Variants in VIPR2 observed in about 807,000 individuals in gnomAD.
The protein encoded by VIPR2 is vasoactive intestinal peptide receptor 2.
VIPR2 carries 48 observed loss-of-function variants against 58.0 expected under a neutral mutation model. The ratio of observed to expected loss-of-function variants is 0.83; its 90% confidence interval spans 0.66 to 1.05. VIPR2 has a LOEUF of 1.05. VIPR2 is among the 50% of genes least tolerant of loss of function. The pLI is 0.00. For synonymous variants in VIPR2, 243 were observed against 235.2 expected (o/e 1.03, Z -0.30); for missense variants, 534 against 558.0 (o/e 0.96, Z 0.43).
At chr7:159,040,203 T>C (rs1375027943) in intron 6 of VIPR2, among the ~76,000 whole-genome samples, 1 of 152,120 alleles carries the variant, frequency 6.6e-6, no homozygotes. Flanking sequence ...TTACACAGGC[T>C]CCAGAGCACC....
At chr7:159,109,601 C>A (rs747275570) in intron 3 of VIPR2, among the ~76,000 whole-genome samples, 10 of 152,200 alleles carry the variant, frequency 6.6e-5, no homozygotes, top group Non-Finnish European at 1.3e-4. Context: ...CCTGTAGTTG[C>A]CCTGCTCTCT....
In VIPR2 at chr7:159,099,108, G is replaced by A. The variant is rs370170945; in HGVS notation, c.357+4649C>T. On this transcript the variant is annotated intron_variant, in intron 4 of 12. Transcript: ENST00000262178. The surrounding 1 kb of genome is among the most constrained non-coding windows in gnomAD (Gnocchi z 4.2). ...CAACCAAGTATTCAAAGTATTCAAC[G>A]AGCAGAAACTGCAACAGGAAGAAAA... 6.6e-6 allele frequency among the ~76,000 whole-genome samples: 1 copy of A among 152,246 alleles called. No homozygotes were observed. The highest frequency in any genetic ancestry group is 1.9e-4 in the East Asian group (1 of 5,202).
At chr7:159,113,085 A>G (rs1025778402) in intron 2 of VIPR2, among the ~76,000 whole-genome samples, 2 of 152,202 alleles carry the variant, frequency 1.3e-5, no homozygotes, top group East Asian at 3.9e-4. Flanking sequence ...AGACCCTCTC[A>G]CATTGTTTTA....
rs376906434 is a variant in VIPR2 at position 159,118,371 on chromosome 7, CAAG to C, written c.152-8455_152-8453del. Among the ~76,000 whole-genome samples the C allele has an allele frequency of 9.0e-3, 1,375 of 152,286 alleles. 17 individuals carry two copies. The highest frequency in any genetic ancestry group is 0.014 in the Non-Finnish European group (974 of 68,026). ...CTGCTGGAGACCATTTTCTGTGTCTCAAGGAGCTGCATGTGAAAGCAGTCAGCC... is the reference window on the plus strand; with the variant it reads ...CTGCTGGAGACCATTTTCTGTGTCTCGAGCTGCATGTGAAAGCAGTCAGCC... On this transcript the variant is annotated intron_variant, in intron 2 of 12. Coordinates refer to ENST00000262178, the MANE Select transcript of VIPR2 (RefSeq NM_003382.5).
intron 4 of VIPR2, among the ~76,000 whole-genome samples, chr7:159,090,628 G>T (rs1230417269): frequency 7.5e-6 from 1 of 133,200 alleles, no homozygotes; most frequent in African/African-American, 3.1e-5. Context: ...ACACACAGAG[G>T]CCACCTCTTA....
At position 159,128,435 on chromosome 7, in the gene VIPR2, A is replaced by G. The variant is rs191732845; in HGVS notation, c.151+14011T>C. On this transcript the variant is annotated intron_variant, in intron 2 of 12. Coordinates refer to ENST00000262178, the MANE Select transcript of VIPR2 (RefSeq NM_003382.5). The surrounding 1 kb of genome is among the most constrained non-coding windows in gnomAD (Gnocchi z 4.1). ...GACTGAGGTCCTAACAACTGTGTGT[A>G]AAAACCTCTGGGCCCCCCTGGCCAC... 6.6e-6 allele frequency among the ~76,000 whole-genome samples: 1 copy of G among 152,106 alleles called. No homozygotes were observed. Among genetic ancestry groups the G allele is most frequent in the South Asian group, 2.1e-4 (1 of 4,822 alleles).
chr7:159,124,357 A>G (rs540022730), intron 2 of VIPR2, among the ~76,000 whole-genome samples: 9 of 152,290 alleles, frequency 5.9e-5, no homozygotes, highest in African/African-American at 2.2e-4. Flanking sequence ...TCGATCTCCC[A>G]CATATGACTA....
At chr7:159,067,181 A>C (rs1226540852) in intron 4 of VIPR2, among the ~76,000 whole-genome samples, 1 of 152,158 alleles carries the variant, frequency 6.6e-6, no homozygotes, top group Non-Finnish European at 1.5e-5. Context: ...TGGCACAGAG[A>C]CCATACGACC....
intron 4 of VIPR2, among the ~76,000 whole-genome samples, chr7:159,083,497 T>A (rs1377306412): frequency 6.6e-6 from 1 of 152,162 alleles, no homozygotes; most frequent in African/African-American, 2.4e-5. Context: ...TCCATAAATA[T>A]CTGCCCTGGA....
chr7:159,053,289 A>G (rs1478637161), intron 5 of VIPR2, among the ~76,000 whole-genome samples: 3 of 152,146 alleles, frequency 2.0e-5, no homozygotes, highest in Non-Finnish European at 4.4e-5. Context: ...TTTTTTCAAG[A>G]AACAATTAGA....
intron 4 of VIPR2, among the ~76,000 whole-genome samples, chr7:159,072,389 A>C (rs1339731719): frequency 6.6e-6 from 1 of 152,264 alleles, no homozygotes; most frequent in African/African-American, 2.4e-5. Context: ...AACTAGAAAA[A>C]CAGTAAACAT....
chr7:159,129,405 C>T (rs1200909810), intron 2 of VIPR2, among the ~76,000 whole-genome samples: 7 of 135,070 alleles, frequency 5.2e-5, no homozygotes, highest in Admixed American at 1.4e-4. Context: ...GGGGACAGGG[C>T]CAGGTGACCA....
intron 2 of VIPR2, among the ~76,000 whole-genome samples, chr7:159,112,886 G>C (rs541775481): frequency 1.1e-4 from 17 of 152,032 alleles, no homozygotes; most frequent in Admixed American, 9.2e-4. Context: ...ACCTACTTGG[G>C]ACCGGATCCT....
At chr7:159,106,501 C>G (rs1585511826) in intron 3 of VIPR2, among the ~76,000 whole-genome samples, 1 of 97,940 alleles carries the variant, frequency 1.0e-5, no homozygotes, top group Non-Finnish European at 2.0e-5. Flanking sequence ...CGGGGAGGGG[C>G]AGAGAGAGGC....
chr7:159,088,724 C>T (rs932364404), intron 4 of VIPR2, among the ~76,000 whole-genome samples: 19 of 152,234 alleles, frequency 1.2e-4, no homozygotes, highest in Non-Finnish European at 2.1e-4. Context: ...GCCTGCACCA[C>T]GGAGTGAAAG....
Position 159,132,830 on chromosome 7 carries a change from T to TCA in VIPR2, c.151+9615_151+9616insTG, listed in dbSNP as rs1563355180. Among the ~76,000 whole-genome samples the TCA allele has an allele frequency of 1.0e-4, 14 of 139,414 alleles. 1 individual carries two copies. The East Asian group carries it at 1.5e-3, about 14-fold the overall frequency. The allele number at this position is 139,414 out of a possible 152,430, so 91.5% of individuals were successfully genotyped here. ...AGAATGATTGGCATACCGATTGATT[T>TCA]GAGACAGAATGATTGGCATACCGAT... On this transcript the variant is annotated intron_variant, in intron 2 of 12. Transcript: ENST00000262178.
intron 4 of VIPR2, among the ~76,000 whole-genome samples, chr7:159,092,331 T>G (rs1000787487): frequency 1.3e-5 from 2 of 152,174 alleles, no homozygotes; most frequent in Non-Finnish European, 2.9e-5. Context: ...CCCCTCCAGA[T>G]GGGCCCAGCC....
chr7:159,074,336 G>C (rs1856542301), intron 4 of VIPR2, among the ~76,000 whole-genome samples: 2 of 152,228 alleles, frequency 1.3e-5, no homozygotes, highest in Admixed American at 1.3e-4. Flanking sequence ...ACCCATTTCT[G>C]TGTGAAAGAC....
intron 4 of VIPR2, among the ~76,000 whole-genome samples, chr7:159,100,737 C>T (rs967576947): frequency 1.3e-4 from 20 of 152,116 alleles, no homozygotes; most frequent in African/African-American, 4.1e-4. Flanking sequence ...TCCGATGAGG[C>T]GGTTCCGACT....
Sources: allele counts gnomAD v4.1 joint callset (sites outside exome capture counted in the v4.1 genomes callset), GRCh38; gene constraint gnomAD v4.1.1; non-coding constraint Gnocchi (gnomAD v3.1); transcripts MANE v1.5; gene names NCBI Gene and HGNC (gene_info 2026-07-23, HGNC 2026-07-21).